The following NIPA1 variants were observed in gnomAD, a reference collection of about 807,000 sequenced individuals.
NIPA1 encodes magnesium transporter NIPA1.
Under a neutral mutation model 23.9 loss-of-function variants are expected in NIPA1, and 13 were observed. The ratio of observed to expected loss-of-function variants is 0.54; its 90% CI spans 0.35 to 0.87. NIPA1 has a LOEUF of 0.87. Ranked by LOEUF, NIPA1 falls within the 40% of genes least tolerant of loss-of-function variation. The probability of loss-of-function intolerance (pLI) is 0.01; values close to 1 mark genes in which losing one functional copy is unlikely to be tolerated. For synonymous variants in NIPA1, 234 were observed against 202.9 expected, an observed-to-expected ratio of 1.15 and a Z score of -1.30; for missense variants, 362 against 429.7, an observed-to-expected ratio of 0.84 and a Z score of 1.39.
rs1050044741 is a variant in NIPA1, at chr15:22,810,185, G to T, written c.179-564G>T. On this transcript the variant is annotated intron_variant, in intron 1 of 4. Transcript: ENST00000337435. ...TGCTGGGGCTCCGCCTGCCCTGCGT[G>T]GGATGGGTGGGGTAACCTGAGAGGA... is the stretch of plus-strand genomic sequence containing the variant. Among the ~76,000 whole-genome samples, 12 of 152,204 alleles carry T rather than the reference G, an allele frequency of 7.9e-5. 1 individual carries two copies. The highest frequency in any genetic ancestry group is 2.4e-4 in the African/African-American group (10 of 41,450).
intron 3 of NIPA1, among the ~76,000 whole-genome samples, chr15:22,818,110 A>G (rs961081336): frequency 6.6e-6 from 1 of 152,198 alleles, no homozygotes; most frequent in Non-Finnish European, 1.5e-5. Context: ...AAAATTTCAA[A>G]GTATATATCT....
intron 1 of NIPA1, among the ~76,000 whole-genome samples, chr15:22,805,857 T>C (rs1895195245): frequency 6.6e-6 from 1 of 152,184 alleles, no homozygotes; most frequent in South Asian, 2.1e-4. Flanking sequence ...AATTAGAAGG[T>C]AAATACATTG....
intron 1 of NIPA1, among the ~76,000 whole-genome samples, chr15:22,808,754 C>T (rs1895263307): frequency 6.9e-6 from 1 of 145,816 alleles, no homozygotes; most frequent in Non-Finnish European, 1.5e-5. Flanking sequence ...ACTGCAGCCT[C>T]ATCCTCCTGG....
chr15:22,820,437 A>G lies in NIPA1; in HGVS notation c.442A>G (p.Thr148Ala), dbSNP rs771758877. The G allele has an allele frequency of 1.9e-6, 3 of 1,613,320 alleles. No homozygotes were observed. The highest frequency in any genetic ancestry group is 2.5e-6 in the Non-Finnish European group (3 of 1,179,260). ...CTCCCCAAAGTCTGAGAGTGTGACA[A>G]CTCAGGCTGAGCTGGAGGAAAAGCT... ...IHSPKSESVT[T>A]QAELEEKLTN... Residue 148 changes from threonine to alanine, a missense_variant, in exon 4 of 5, where the codon ACT becomes GCT. Coordinates refer to ENST00000337435, the MANE Select transcript of NIPA1 (RefSeq NM_144599.5).
chr15:22,814,769 C>G (rs1410232180), intron 3 of NIPA1, among the ~76,000 whole-genome samples: 2 of 152,152 alleles, frequency 1.3e-5, no homozygotes, highest in Non-Finnish European at 2.9e-5. Context: ...AGAAAGGAAA[C>G]AGGATTAAGT....
chr15:22,797,273 G>GATCTC (rs1894958388), intron 1 of NIPA1, among the ~76,000 whole-genome samples: 1 of 151,492 alleles, frequency 6.6e-6, no homozygotes, highest in African/African-American at 2.4e-5. Context: ...GCAGTGGTGT[G>GATCTC]ATCTCTGCTC....
intron 1 of NIPA1, among the ~76,000 whole-genome samples, chr15:22,809,521 G>T (rs36006175): frequency 0.14 from 20,943 of 152,116 alleles, 1,728 homozygotes; most frequent in African/African-American, 0.22. Flanking sequence ...GAGGCAGGCG[G>T]ATCACCTGAG....
At chr15:22,817,185 T>C (rs1378609357) in intron 3 of NIPA1, among the ~76,000 whole-genome samples, 1 of 51,064 alleles carries the variant, frequency 2.0e-5, no homozygotes, top group African/African-American at 1.1e-4. Flanking sequence ...AGACTCTGTC[T>C]CAAAAAAAAA....
intron 3 of NIPA1, among the ~76,000 whole-genome samples, chr15:22,814,909 G>C (rs1458253198): frequency 6.6e-6 from 1 of 152,100 alleles, no homozygotes; most frequent in East Asian, 1.9e-4. Context: ...CTTGAAGCCA[G>C]ATAACTCTTT....
At chr15:22,802,687 T>C (rs1895109835) in intron 1 of NIPA1, among the ~76,000 whole-genome samples, 1 of 152,100 alleles carries the variant, frequency 6.6e-6, no homozygotes, top group African/African-American at 2.4e-5. Context: ...GCTGCCACCC[T>C]AGAAAGTTCC....
chr15:22,821,292 AACT>A (rs1895534220), intron 4 of NIPA1, among the ~76,000 whole-genome samples: 1 of 152,146 alleles, frequency 6.6e-6, no homozygotes, highest in Non-Finnish European at 1.5e-5. Context: ...ATACACTAAA[AACT>A]ACTATCTACG....
intron 1 of NIPA1, among the ~76,000 whole-genome samples, chr15:22,789,623 G>A (rs1052798346): frequency 4.6e-5 from 7 of 152,182 alleles, no homozygotes; most frequent in Non-Finnish European, 8.8e-5. Flanking sequence ...GGCGAGGGAG[G>A]CATGGAGGTG....
chr15:22,803,600 C>G (rs1344353058), intron 1 of NIPA1, among the ~76,000 whole-genome samples: 1 of 148,902 alleles, frequency 6.7e-6, no homozygotes, highest in East Asian at 2.0e-4. Context: ...CCTCTGCCCC[C>G]CTGGTTCAAG....
chr15:22,798,843 A>C (rs1895000877), intron 1 of NIPA1, among the ~76,000 whole-genome samples: 1 of 150,584 alleles, frequency 6.6e-6, no homozygotes, highest in Admixed American at 6.6e-5. Context: ...CTCAAAAAAA[A>C]AAAAAAAAAA....
intron 3 of NIPA1, among the ~76,000 whole-genome samples, chr15:22,813,058 A>G (rs181502769): frequency 8.2e-4 from 125 of 152,234 alleles, no homozygotes; most frequent in African/African-American, 3.0e-3. Context: ...TCAATAGCAC[A>G]TGGATTTTCT....
chr15:22,806,131 G>T (rs1895206227), intron 1 of NIPA1, among the ~76,000 whole-genome samples: 1 of 152,136 alleles, frequency 6.6e-6, no homozygotes, highest in Non-Finnish European at 1.5e-5. Flanking sequence ...CACCGTGTTA[G>T]CCAGGATGGT....
At chr15:22,805,150 CT>C (rs1406065147) in intron 1 of NIPA1, among the ~76,000 whole-genome samples, 1 of 152,048 alleles carries the variant, frequency 6.6e-6, no homozygotes, top group African/African-American at 2.4e-5. Context: ...TATGGTAAAT[CT>C]TAAAATTAGA....
chr15:22,799,231 T>C (rs1009982737), intron 1 of NIPA1, among the ~76,000 whole-genome samples: 3 of 152,156 alleles, frequency 2.0e-5, no homozygotes, highest in African/African-American at 7.2e-5. Flanking sequence ...TATACACATA[T>C]GGAATACTAT....
Position 22,820,451 on chromosome 15 carries a change from G to T in NIPA1, c.456G>T (p.Leu152=), listed in dbSNP as rs768639665. 3.1e-6 allele frequency: 5 copies of T among 1,613,620 alleles called. No individual in the cohort carries two copies. The highest frequency in any genetic ancestry group is 4.2e-6 in the Non-Finnish European group (5 of 1,179,522). ...KSESVTTQAE[L]EEKLTNPVFV... The stretch of plus-strand genomic sequence containing the variant: ...AGAGTGTGACAACTCAGGCTGAGCT[G>T]GAGGAAAAGCTGACCAATCCAGGTA... The change falls in exon 4 of 5, where the codon CTG becomes CTT. Residue 152 remains leucine (L), a synonymous_variant. Transcript: ENST00000337435.
Sources: gnomAD v4.1 joint callset for allele counts (sites outside exome capture counted in the v4.1 genomes callset) on GRCh38, gnomAD v4.1.1 for gene constraint, MANE v1.5 for transcripts, NCBI Gene and HGNC (gene_info 2026-07-23, HGNC 2026-07-21) for gene names.